Variants in CHRM3 observed in about 807,000 individuals in gnomAD.
The protein encoded by CHRM3 is muscarinic acetylcholine receptor M3.
In CHRM3, 11 loss-of-function variants were observed where a neutral mutation model predicts 41.8. That is an observed-to-expected ratio of 0.26 (90% CI 0.17 to 0.44). The LOEUF is 0.44. Among genes scored for constraint, CHRM3 ranks in the 20% least tolerant of loss-of-function variants. The probability of loss-of-function intolerance (pLI) is 1.00; values close to 1 mark genes in which losing one functional copy is unlikely to be tolerated. For synonymous variants in CHRM3, 297 were observed against 301.4 expected (o/e 0.99, Z 0.15); for missense variants, 571 against 745.4 (o/e 0.77, Z 2.72).
At chr1:239,718,210 C>T (rs1054571013) in intron 5 of CHRM3, among the ~76,000 whole-genome samples, 1 of 151,998 alleles carries the variant, frequency 6.6e-6, no homozygotes, top group East Asian at 1.9e-4. Flanking sequence ...GAACACTGCG[C>T]AGAAGGTAAA....
chr1:239,484,122 T>C (rs1667039032), intron 1 of CHRM3, among the ~76,000 whole-genome samples: 1 of 152,200 alleles, frequency 6.6e-6, no homozygotes, highest in Non-Finnish European at 1.5e-5. Context: ...ATTGAATACC[T>C]GAGACTGAGT....
At chr1:239,529,195 C>T (rs1572610191) in intron 2 of CHRM3, among the ~76,000 whole-genome samples, 1 of 152,122 alleles carries the variant, frequency 6.6e-6, no homozygotes, top group Non-Finnish European at 1.5e-5. Context: ...ATACATCACA[C>T]CATAGCACGT....
chr1:239,663,916 G>C (rs1391455572), intron 4 of CHRM3, among the ~76,000 whole-genome samples: 1 of 151,996 alleles, frequency 6.6e-6, no homozygotes, highest in African/African-American at 2.4e-5. Context: ...ATGAAATGTT[G>C]GTTGGTAAGT....
chr1:239,546,971 G>T (rs747853811), intron 3 of CHRM3, among the ~76,000 whole-genome samples: 2 of 152,140 alleles, frequency 1.3e-5, no homozygotes, highest in Non-Finnish European at 2.9e-5. Flanking sequence ...AACTGAAAAT[G>T]TAATCTTAAC....
At chr1:239,425,114 A>G (rs1662266065) in intron 1 of CHRM3, among the ~76,000 whole-genome samples, 1 of 152,216 alleles carries the variant, frequency 6.6e-6, no homozygotes, top group African/African-American at 2.4e-5. Context: ...GGTTCACACA[A>G]AAAATGACAA....
intron 1 of CHRM3, among the ~76,000 whole-genome samples, chr1:239,479,016 CTA>C (rs1334515771): frequency 1.3e-5 from 2 of 152,146 alleles, no homozygotes; most frequent in South Asian, 4.2e-4. Flanking sequence ...AACCCTGTCT[CTA>C]TGAAAAAATA....
At chr1:239,391,064 G>C (rs866058620) in intron 1 of CHRM3, among the ~76,000 whole-genome samples, 9 of 152,278 alleles carry the variant, frequency 5.9e-5, no homozygotes, top group Middle Eastern at 6.8e-3. Context: ...CTTGAATGCA[G>C]AAGTTCGAGA....
At chr1:239,801,024 C>G (rs113199576) in intron 5 of CHRM3, among the ~76,000 whole-genome samples, 123 of 152,206 alleles carry the variant, frequency 8.1e-4, no homozygotes, top group Non-Finnish European at 1.4e-3. Context: ...AAGCACTAAT[C>G]TAGTCCTAAT....
intron 3 of CHRM3, among the ~76,000 whole-genome samples, chr1:239,580,673 G>T (rs971934431): frequency 1.9e-4 from 10 of 53,294 alleles, no homozygotes; most frequent in East Asian, 6.1e-4. Context: ...TGCCACTCAG[G>T]CTACTTTGCC....
At chr1:239,697,062 A>G (rs1660262036) in intron 5 of CHRM3, among the ~76,000 whole-genome samples, 1 of 152,166 alleles carries the variant, frequency 6.6e-6, no homozygotes, top group Non-Finnish European at 1.5e-5. Context: ...TGGCCCCTCA[A>G]AATCTCCCAG....
At chr1:239,451,922 T>C (rs2103326269) in intron 1 of CHRM3, among the ~76,000 whole-genome samples, 1 of 152,300 alleles carries the variant, frequency 6.6e-6, no homozygotes, top group East Asian at 1.9e-4. Context: ...TAAAATGCAA[T>C]ATATTTTTAA....
intron 1 of CHRM3, among the ~76,000 whole-genome samples, chr1:239,435,193 T>C (rs1663140458): frequency 7.1e-6 from 1 of 140,240 alleles, no homozygotes; most frequent in Non-Finnish European, 1.6e-5. Flanking sequence ...GGCTCACGCC[T>C]GTAATCCCAG....
intron 5 of CHRM3, among the ~76,000 whole-genome samples, chr1:239,692,116 A>G (rs1337660211): frequency 1.3e-5 from 2 of 152,160 alleles, no homozygotes; most frequent in Non-Finnish European, 2.9e-5. Context: ...CAAAACAGTA[A>G]TATCTTCCAG....
At chr1:239,865,365 G>A (rs1007153825) in intron 6 of CHRM3, among the ~76,000 whole-genome samples, 4 of 152,228 alleles carry the variant, frequency 2.6e-5, no homozygotes, top group Non-Finnish European at 5.9e-5. Context: ...AAGGATGTCA[G>A]ACAAACATTT....
chr1:239,420,461 C>A (rs554975046), intron 1 of CHRM3, among the ~76,000 whole-genome samples: 13 of 152,288 alleles, frequency 8.5e-5, no homozygotes, highest in African/African-American at 2.9e-4. Context: ...GAAAGTTCCA[C>A]AAGGAGGTCC....
At chr1:239,817,359 T>C (rs185386540) in intron 5 of CHRM3, among the ~76,000 whole-genome samples, 1 of 152,182 alleles carries the variant, frequency 6.6e-6, no homozygotes, top group Non-Finnish European at 1.5e-5. Context: ...TGCAAAACTA[T>C]CTTTCTCTTC....
At chr1:239,780,305 T>C (rs1668417560) in intron 5 of CHRM3, among the ~76,000 whole-genome samples, 1 of 152,194 alleles carries the variant, frequency 6.6e-6, no homozygotes, top group Non-Finnish European at 1.5e-5. Flanking sequence ...GTTCTCAGTG[T>C]TCTGGATTTT....
chr1:239,729,097 G>T (rs1341852531), intron 5 of CHRM3, among the ~76,000 whole-genome samples: 1 of 151,926 alleles, frequency 6.6e-6, no homozygotes, highest in Non-Finnish European at 1.5e-5. Flanking sequence ...AAGTAAAACT[G>T]CTGGTCCTTA....
At chr1:239,788,695 G>A (rs1455256591) in intron 5 of CHRM3, among the ~76,000 whole-genome samples, 1 of 152,112 alleles carries the variant, frequency 6.6e-6, no homozygotes, top group Non-Finnish European at 1.5e-5. Context: ...GAACCTGGGA[G>A]GCAGAGGTTG....
Sources: gnomAD v4.1 joint callset for allele counts (sites outside exome capture counted in the v4.1 genomes callset) on GRCh38, gnomAD v4.1.1 for gene constraint, MANE v1.5 for transcripts, NCBI Gene and HGNC (gene_info 2026-07-23, HGNC 2026-07-21) for gene names.